The following ODAD2 variants were observed in gnomAD, a reference collection of about 807,000 sequenced individuals.
ODAD2 encodes the protein outer dynein arm-docking complex subunit 2.
In ODAD2, 89 loss-of-function variants were observed where a neutral mutation model predicts 106.8. The ratio of observed to expected loss-of-function variants is 0.83; its 90% CI spans 0.70 to 0.99. The LOEUF (loss-of-function observed/expected upper bound fraction) is 0.99. Among genes scored for constraint, ODAD2 ranks in the 50% least tolerant of loss-of-function variants. ODAD2 has a pLI of 0.00. For synonymous variants in ODAD2, 404 were observed against 436.2 expected, an observed-to-expected ratio of 0.93 and a Z score of 0.92; for missense variants, 1,168 against 1,238.5, an observed-to-expected ratio of 0.94 and a Z score of 0.85.
intron 18 of ODAD2, among the ~76,000 whole-genome samples, chr10:27,861,359 C>A (rs1376661424): frequency 6.6e-6 from 1 of 152,198 alleles, no homozygotes; most frequent in Non-Finnish European, 1.5e-5. Flanking sequence ...TTCTTATGAA[C>A]TGAATGTAGT....
In ODAD2 at chr10:27,886,102, A is replaced by G. The variant is rs77913232; in HGVS notation, c.2610+21561T>C. ...AAAAGAATGTGAGAAAAGGACAGGA[A>G]AATTATTTAAAGTAATAATGACCAA... On this transcript the variant is annotated intron_variant, in intron 17 of 19. Transcript: ENST00000305242. Among the ~76,000 whole-genome samples, 902 of 151,000 alleles carry G rather than the reference A, an allele frequency of 6.0e-3. 6 individuals are homozygous for G. Among genetic ancestry groups the G allele is most frequent in the African/African-American group, 0.021 (863 of 41,248 alleles).
rs575601777 is a variant in ODAD2, at chr10:27,963,063, A to C, written c.1239-1348T>G. ...CGCTCTGTCACCCAGGCTGTAGTGCAGTGGTGCAATCTTGGCTCACTGCAA... is the reference window on the plus strand; with the variant it reads ...CGCTCTGTCACCCAGGCTGTAGTGCCGTGGTGCAATCTTGGCTCACTGCAA... On this transcript the variant is annotated intron_variant, in intron 9 of 19. Transcript: ENST00000305242. Among the ~76,000 whole-genome samples the C allele has an allele frequency of 2.7e-5, 4 of 150,912 alleles. No individual in the cohort carries two copies. In the South Asian group the frequency reaches 8.4e-4, roughly 32 times the overall value.
chr10:27,859,558 C>T (rs936461221), intron 19 of ODAD2, among the ~76,000 whole-genome samples: 1 of 151,988 alleles, frequency 6.6e-6, no homozygotes, highest in Admixed American at 6.6e-5. Context: ...TTTGCTAAAC[C>T]AACAAGTCCA....
chr10:27,971,353 A>T (rs1482432735), intron 7 of ODAD2, 40 bp from the exon 8 acceptor site: 21 of 1,485,614 alleles, frequency 1.4e-5, no homozygotes, highest in Admixed American at 4.3e-5. Flanking sequence ...ATGATATCTG[A>T]ATTATCTAGT....
At chr10:27,854,244 T>C (rs935486860) in intron 19 of ODAD2, among the ~76,000 whole-genome samples, 1 of 152,172 alleles carries the variant, frequency 6.6e-6, no homozygotes, top group African/African-American at 2.4e-5. Context: ...AAGGATGCTT[T>C]CCTATACAGC....
chr10:27,970,083 A>G (rs762353585), intron 8 of ODAD2, among the ~76,000 whole-genome samples: 2 of 151,494 alleles, frequency 1.3e-5, no homozygotes, highest in Non-Finnish European at 2.9e-5. Flanking sequence ...CCTGGGTGAC[A>G]GCGAGATTCT....
At chr10:27,851,234 T>C (rs1589823878) in intron 19 of ODAD2, among the ~76,000 whole-genome samples, 2 of 152,078 alleles carry the variant, frequency 1.3e-5, no homozygotes, top group African/African-American at 4.8e-5. Context: ...CTTGCCTCAG[T>C]AGTGGGAAAA....
At chr10:27,846,278 A>T (rs555443411) in intron 19 of ODAD2, among the ~76,000 whole-genome samples, 1,736 of 152,026 alleles carry the variant, frequency 0.011, 29 homozygotes, top group African/African-American at 0.039. Flanking sequence ...CTCACTCAAA[A>T]CCGCTCAACT....
In ODAD2 at chr10:27,904,332, G is replaced by A. The variant is rs868204419; in HGVS notation, c.2610+3331C>T. On this transcript the variant is annotated intron_variant, in intron 17 of 19. Coordinates refer to ENST00000305242, the MANE Select transcript of ODAD2 (RefSeq NM_018076.5). ...GTATGCGCGGGGAACATGGCGTCATGGCAGGAAGCAGAGCGGGAATCTTGG... is the reference window on the plus strand; with the variant it reads ...GTATGCGCGGGGAACATGGCGTCATAGCAGGAAGCAGAGCGGGAATCTTGG... 79 of 310,920 alleles carry A rather than the reference G, an allele frequency of 2.5e-4. 1 individual carries two copies. The highest frequency in any genetic ancestry group is 2.6e-3 in the Middle Eastern group (2 of 762). The allele number at this position is 310,920 out of a possible 1,614,324, so 19.3% of individuals were successfully genotyped here.
chr10:27,973,641 A>G (rs1052705953), intron 7 of ODAD2, among the ~76,000 whole-genome samples: 3 of 152,070 alleles, frequency 2.0e-5, no homozygotes, highest in African/African-American at 7.2e-5. Context: ...GCTGTGTAGT[A>G]TTCCATGGCA....
At chr10:27,989,222 C>T (rs1041674466) in intron 2 of ODAD2, among the ~76,000 whole-genome samples, 1 of 152,146 alleles carries the variant, frequency 6.6e-6, no homozygotes, top group African/African-American at 2.4e-5. Flanking sequence ...CAATGTGTTA[C>T]AGCAGCAAAA....
At chr10:27,920,052 A>C (rs1490823589) in intron 16 of ODAD2, among the ~76,000 whole-genome samples, 1 of 151,964 alleles carries the variant, frequency 6.6e-6, no homozygotes, top group Admixed American at 6.6e-5. Flanking sequence ...CTCAAGTATA[A>C]AATTATGAAA....
At chr10:27,837,785 G>T (rs956394952) in intron 19 of ODAD2, among the ~76,000 whole-genome samples, 1 of 152,186 alleles carries the variant, frequency 6.6e-6, no homozygotes, top group African/African-American at 2.4e-5. Flanking sequence ...AATGAACACA[G>T]CATCCGCAAG....
At chr10:27,896,735 A>G (rs1326974905) in intron 17 of ODAD2, among the ~76,000 whole-genome samples, 2 of 151,886 alleles carry the variant, frequency 1.3e-5, no homozygotes, top group Non-Finnish European at 2.9e-5. Flanking sequence ...GTGTATGTGT[A>G]CTCTTTCTAG....
chr10:27,871,738 A>G (rs372655795), intron 17 of ODAD2, among the ~76,000 whole-genome samples: 1 of 152,160 alleles, frequency 6.6e-6, no homozygotes, highest in Admixed American at 6.5e-5. Context: ...TACCAGTACC[A>G]TGCAGTTTTG....
chr10:27,977,341 G>A (rs1418439521), intron 7 of ODAD2, among the ~76,000 whole-genome samples: 1 of 151,262 alleles, frequency 6.6e-6, no homozygotes, highest in African/African-American at 2.4e-5. Context: ...AAGGTCGGCA[G>A]ATCACAAGGT....
At chr10:27,928,141 A>G (rs1434203432) in intron 16 of ODAD2, among the ~76,000 whole-genome samples, 2 of 152,088 alleles carry the variant, frequency 1.3e-5, no homozygotes, top group Non-Finnish European at 2.9e-5. Context: ...TGGAGGTATA[A>G]TAATGAACAT....
intron 17 of ODAD2, among the ~76,000 whole-genome samples, chr10:27,886,960 G>T (rs761529193): frequency 7.3e-5 from 11 of 151,478 alleles, no homozygotes; most frequent in Admixed American, 2.0e-4. Context: ...AGAAAATGAG[G>T]AATAAAAGGC....
chr10:27,817,457 A>T (rs978749873), intron 19 of ODAD2, among the ~76,000 whole-genome samples: 5 of 152,166 alleles, frequency 3.3e-5, no homozygotes, highest in Non-Finnish European at 7.3e-5. Context: ...CATATAGTGA[A>T]CACTGCACCC....
Sources: allele counts gnomAD v4.1 joint callset (sites outside exome capture counted in the v4.1 genomes callset), GRCh38; gene constraint gnomAD v4.1.1; transcripts MANE v1.5; gene names NCBI Gene and HGNC (gene_info 2026-07-23, HGNC 2026-07-21).